RB1CC1: variants seen among roughly 807,000 people sequenced by gnomAD.
RB1CC1 encodes RB1-inducible coiled-coil protein 1.
A neutral mutation model predicts 177.5 loss-of-function variants in RB1CC1; 46 were observed. The observed-to-expected ratio is 0.26, with a 90% CI of 0.20 to 0.33. The LOEUF is 0.33. Ranked by LOEUF, RB1CC1 falls within the 10% of genes least tolerant of loss-of-function variation. The pLI is 1.00. For missense variants in RB1CC1, 1,703 were observed against 1,816.3 expected, an observed-to-expected ratio of 0.94 and a Z score of 1.13; for synonymous variants, 666 against 613.6, an observed-to-expected ratio of 1.09 and a Z score of -1.26.
intron 6 of RB1CC1, 99 bp from the exon 7 acceptor site, chr8:52,674,373 C>T: frequency 2.0e-6 from 2 of 1,023,432 alleles, no homozygotes; most frequent in Admixed American, 2.2e-5. Flanking sequence ...ACACAAATCT[C>T]ACCACCTCTC....
Position 52,685,498 on chromosome 8 carries a change from T to TA in RB1CC1, c.-30dup. ...GATTTATCTGAATTCTGTGAGCTTA[T>TA]ACCTCACCCTCTGATACAGTTACTA... On this transcript the variant is annotated 5_prime_UTR_variant, in exon 3 of 24. Coordinates refer to ENST00000025008, the MANE Select transcript of RB1CC1 (RefSeq NM_014781.5). 7.3e-7 allele frequency: 1 copy of TA among 1,372,646 alleles called. No individual in the cohort carries two copies. The highest frequency in any genetic ancestry group is 1.0e-6 in the Non-Finnish European group (1 of 972,172). The allele number at this position is 1,372,646 out of a possible 1,614,324, so 85.0% of individuals were successfully genotyped here. A position where few individuals can be genotyped will look rare whatever the true frequency, so the allele number is the denominator to read the frequency against.
At chr8:52,692,780 AT>A (rs1855008475) in intron 1 of RB1CC1, among the ~76,000 whole-genome samples, 1 of 152,198 alleles carries the variant, frequency 6.6e-6, no homozygotes. Context: ...CATTTAAAAA[AT>A]TTCCTTTACT....
rs752244738 is a variant in RB1CC1 at position 52,635,998 on chromosome 8, GAAGAT to G, written c.4392+12_4392+16del. The G allele has an allele frequency of 4.4e-6, 7 of 1,604,178 alleles. No homozygotes were observed. The Admixed American group carries it at 1.2e-4, about 28-fold the overall frequency. On this transcript the variant is annotated intron_variant, in intron 19 of 23. Coordinates refer to ENST00000025008, the MANE Select transcript of RB1CC1 (RefSeq NM_014781.5). The stretch of plus-strand genomic sequence containing the variant: ...GAACATATTAAACATGGTACTTCAA[GAAGAT>G]AATTTACTTACTCGTTCTAACAGCA...
Position 52,630,545 on chromosome 8 carries a change from A to C in RB1CC1, c.4441-17T>G. ...CTGAGACATCTAAAAAAAAAAAAAA[A>C]GTTTATGAACTTACACAATTTGAGT... On this transcript the variant is annotated splice_polypyrimidine_tract_variant and intron_variant, in intron 20 of 23. Coordinates refer to ENST00000025008, the MANE Select transcript of RB1CC1 (RefSeq NM_014781.5). 2 of 1,543,674 alleles carry C rather than the reference A, an allele frequency of 1.3e-6. No homozygotes were observed. The highest frequency in any genetic ancestry group is 3.5e-4 in the Middle Eastern group (2 of 5,772).
At chr8:52,710,711 T>C (rs1418644706) in intron 1 of RB1CC1, among the ~76,000 whole-genome samples, 3 of 152,084 alleles carry the variant, frequency 2.0e-5, no homozygotes, top group Admixed American at 2.0e-4. Context: ...ACCAAAATTA[T>C]CTATATAGCA....
At chr8:52,642,317 A>C in intron 18 of RB1CC1, 34 bp downstream of exon 18, 1 of 1,583,948 alleles carries the variant, frequency 6.3e-7, no homozygotes, top group Non-Finnish European at 8.6e-7. Flanking sequence ...GAATTGCAAC[A>C]GCCTTAAAAA....
At chr8:52,697,837 C>A (rs1259343974) in intron 1 of RB1CC1, among the ~76,000 whole-genome samples, 1 of 152,114 alleles carries the variant, frequency 6.6e-6, no homozygotes, top group African/African-American at 2.4e-5. Flanking sequence ...TATGATGTTT[C>A]TGGAAAGCAA....
At chr8:52,681,530 C>T (rs956826373) in intron 5 of RB1CC1, among the ~76,000 whole-genome samples, 1 of 152,204 alleles carries the variant, frequency 6.6e-6, no homozygotes, top group Non-Finnish European at 1.5e-5. Flanking sequence ...TAATTCCTCA[C>T]ATAATGAATT....
chr8:52,670,839 T>C (rs1393171645), intron 7 of RB1CC1, among the ~76,000 whole-genome samples: 1 of 151,734 alleles, frequency 6.6e-6, no homozygotes, highest in Non-Finnish European at 1.5e-5. Flanking sequence ...AAAACAAAAA[T>C]TTGCCAGGTG....
chr8:52,627,954 A>G, intron 22 of RB1CC1, 78 bp downstream of exon 22: 1 of 1,309,928 alleles, frequency 7.6e-7, no homozygotes, highest in East Asian at 2.7e-5. Context: ...TTATGTAATT[A>G]AACAGGGAAA....
intron 20 of RB1CC1, among the ~76,000 whole-genome samples, chr8:52,633,173 T>C (rs563577716): frequency 6.6e-6 from 1 of 152,170 alleles, no homozygotes; most frequent in Non-Finnish European, 1.5e-5. Context: ...CCTGACCACC[T>C]TGGGCACACG....
intron 7 of RB1CC1, among the ~76,000 whole-genome samples, chr8:52,673,453 T>C (rs1304205131): frequency 6.6e-6 from 1 of 152,166 alleles, no homozygotes; most frequent in African/African-American, 2.4e-5. Flanking sequence ...AATTTCTTCT[T>C]TAAAAGTCAG....
intron 5 of RB1CC1, among the ~76,000 whole-genome samples, chr8:52,677,153 G>T: frequency 1.3e-5 from 2 of 152,260 alleles, no homozygotes; most frequent in Middle Eastern, 3.4e-3. Context: ...ATATAAAGAA[G>T]TCCACTGTTA....
chr8:52,639,713 T>C (rs1216360151), intron 18 of RB1CC1, among the ~76,000 whole-genome samples: 2 of 152,218 alleles, frequency 1.3e-5, no homozygotes, highest in Non-Finnish European at 2.9e-5. Flanking sequence ...TTTCAGCTTC[T>C]ACTGACATGA....
chr8:52,708,546 G>C (rs1249410585), intron 1 of RB1CC1, among the ~76,000 whole-genome samples: 1 of 151,730 alleles, frequency 6.6e-6, no homozygotes, highest in African/African-American at 2.4e-5. Context: ...ACAAACAAAA[G>C]TCCAAGTATT....
At chr8:52,664,675 T>C (rs890017078) in intron 8 of RB1CC1, among the ~76,000 whole-genome samples, 3 of 152,152 alleles carry the variant, frequency 2.0e-5, no homozygotes, top group Non-Finnish European at 4.4e-5. Context: ...CAGTTTGGAT[T>C]CAGGGAGGTT....
chr8:52,691,221 C>A (rs1332087295), intron 1 of RB1CC1, among the ~76,000 whole-genome samples: 1 of 152,108 alleles, frequency 6.6e-6, no homozygotes, highest in Non-Finnish European at 1.5e-5. Context: ...CAATCAGAAG[C>A]TTTAGAAATC....
Position 52,689,191 on chromosome 8 carries a change from T to A in RB1CC1, c.-166-2224A>T, listed in dbSNP as rs151242553. ...CTAAAACTGAGCTCTGCCCCTTAAATCTCCTTGCTTTAATTTTTCATTTCT... is the reference window on the plus strand; with the variant it reads ...CTAAAACTGAGCTCTGCCCCTTAAAACTCCTTGCTTTAATTTTTCATTTCT... On this transcript the variant is annotated intron_variant, in intron 1 of 23. Transcript: ENST00000025008. Among the ~76,000 whole-genome samples, 801 of 152,282 alleles carry A rather than the reference T, an allele frequency of 5.3e-3. 8 individuals carry two copies. The highest frequency in any genetic ancestry group is 0.018 in the African/African-American group (760 of 41,538).
At chr8:52,691,366 C>T (rs997127304) in intron 1 of RB1CC1, among the ~76,000 whole-genome samples, 2 of 152,134 alleles carry the variant, frequency 1.3e-5, no homozygotes, top group Non-Finnish European at 2.9e-5. Flanking sequence ...ATGCACACAC[C>T]TCACCCTAAG....
Sources: gnomAD v4.1 joint callset for allele counts (sites outside exome capture counted in the v4.1 genomes callset) on GRCh38, gnomAD v4.1.1 for gene constraint, MANE v1.5 for transcripts, NCBI Gene and HGNC (gene_info 2026-07-23, HGNC 2026-07-21) for gene names.